The following CDH2 variants were observed in gnomAD, a reference collection of about 807,000 sequenced individuals.
CDH2 encodes the protein cadherin 2, also known as cadherin-2.
A neutral mutation model predicts 92.0 loss-of-function variants in CDH2; 17 were observed. That is an observed-to-expected ratio of 0.18 (90% confidence interval 0.13 to 0.28). CDH2 has a LOEUF of 0.28. Ranked by LOEUF, CDH2 falls within the 10% of genes least tolerant of loss-of-function variation. The pLI is 1.00. For missense variants in CDH2, 862 were observed against 1,133.1 expected, an observed-to-expected ratio of 0.76 and a Z score of 3.44; for synonymous variants, 419 against 415.9, an observed-to-expected ratio of 1.01 and a Z score of -0.09.
At chr18:28,153,750 ATGAGT>A (rs1328085847) in intron 1 of CDH2, among the ~76,000 whole-genome samples, 3 of 152,350 alleles carry the variant, frequency 2.0e-5, no homozygotes, top group African/African-American at 7.2e-5. Context: ...AGAGGATTAA[ATGAGT>A]TAATATGTGT....
At chr18:27,976,108 G>C (rs1052260854) in intron 14 of CDH2, among the ~76,000 whole-genome samples, 1 of 152,164 alleles carries the variant, frequency 6.6e-6, no homozygotes, top group African/African-American at 2.4e-5. Context: ...TGAGAGAGCA[G>C]GCAAACAGGG....
chr18:28,039,416 C>T (rs185157519), intron 2 of CDH2, among the ~76,000 whole-genome samples: 2 of 152,044 alleles, frequency 1.3e-5, no homozygotes, highest in Non-Finnish European at 1.5e-5. Context: ...TCACTGATTT[C>T]GCATACAGGA....
At chr18:28,064,407 A>C (rs900247247) in intron 2 of CDH2, among the ~76,000 whole-genome samples, 1 of 152,146 alleles carries the variant, frequency 6.6e-6, no homozygotes, top group Non-Finnish European at 1.5e-5. Context: ...CTAGGACTAC[A>C]GGTGTGTACC....
At chr18:28,027,714 C>T (rs2013592272) in intron 2 of CDH2, among the ~76,000 whole-genome samples, 2 of 152,102 alleles carry the variant, frequency 1.3e-5, no homozygotes, top group African/African-American at 2.4e-5. Flanking sequence ...AGTTTTTAAG[C>T]TGTTCTTCAC....
At chr18:28,092,495 C>T (rs1482272851) in intron 2 of CDH2, among the ~76,000 whole-genome samples, 1 of 151,654 alleles carries the variant, frequency 6.6e-6, no homozygotes, top group Non-Finnish European at 1.5e-5. Context: ...ATCAAAATTC[C>T]TTCTGCTACC....
chr18:28,176,910 G>A (rs1171379667), intron 1 of CDH2, 53 bp downstream of exon 1: 15 of 1,100,228 alleles, frequency 1.4e-5, no homozygotes, highest in South Asian at 3.7e-5. Context: ...AAGGGACCCG[G>A]CGCCGCCCGC....
chr18:28,137,142 G>A lies in CDH2; in HGVS notation c.172+10531C>T, dbSNP rs549625458. Reference sequence around the variant, plus strand: ...AAATCTGATGAGTCCATATGTTGAAGGGCTACTTCCTCACACTAATGAAAA... The same window carrying A: ...AAATCTGATGAGTCCATATGTTGAAAGGCTACTTCCTCACACTAATGAAAA... On this transcript the variant is annotated intron_variant, in intron 2 of 15. Transcript: ENST00000269141. 2.0e-3 allele frequency among the ~76,000 whole-genome samples: 298 copies of A among 152,222 alleles called. 5 individuals carry two copies. Among genetic ancestry groups the A allele is most frequent in the African/African-American group, 6.9e-3 (288 of 41,556 alleles).
intron 1 of CDH2, 113 bp downstream of exon 1, chr18:28,176,850 C>T (rs1265130179): frequency 4.6e-6 from 2 of 431,788 alleles, no homozygotes; most frequent in Non-Finnish European, 6.2e-6. Context: ...CGCGGCGTGG[C>T]ACCTCCCTTC....
chr18:28,066,409 G>T (rs1165892147), intron 2 of CDH2, among the ~76,000 whole-genome samples: 1 of 152,030 alleles, frequency 6.6e-6, no homozygotes, highest in Non-Finnish European at 1.5e-5. Flanking sequence ...ACAAGAGTTC[G>T]AACAAAGGCT....
rs1259389629 is a variant in CDH2 at position 27,985,097 on chromosome 18, G to A, written c.2112C>T (p.Asp704=). The A allele has an allele frequency of 1.9e-6, 3 of 1,614,022 alleles. No homozygotes were observed. In the Admixed American group the frequency reaches 5.0e-5, roughly 27 times the overall value. Residue 704 remains aspartate, a synonymous_variant, in exon 13 of 16, where the codon GAC becomes GAT. Transcript: ENST00000269141. ...SILRVKVCQC[D]SNGDCTDVDR... Reference sequence around the variant, plus strand: ...CCACATCTGTGCAGTCCCCGTTGGAGTCACACTGGCAAACCTTCACACGCA... The same window carrying A: ...CCACATCTGTGCAGTCCCCGTTGGAATCACACTGGCAAACCTTCACACGCA...
intron 2 of CDH2, among the ~76,000 whole-genome samples, chr18:28,033,087 A>C (rs1237354973): frequency 6.6e-6 from 1 of 152,116 alleles, no homozygotes; most frequent in Non-Finnish European, 1.5e-5. Flanking sequence ...TGAGCACCAA[A>C]GAATAAACAT....
chr18:28,150,885 A>G (rs1390262533), intron 1 of CDH2, among the ~76,000 whole-genome samples: 1 of 152,222 alleles, frequency 6.6e-6, no homozygotes, highest in Non-Finnish European at 1.5e-5. Flanking sequence ...TAAAATTGTT[A>G]AAATATATAT....
rs1568020517 is a variant in CDH2 at position 28,156,554 on chromosome 18, C to CATGTCACCTTCCCAGGTACAGA, written c.61-8792_61-8771dup. 5.8e-3 allele frequency among the ~76,000 whole-genome samples: 716 copies of CATGTCACCTTCCCAGGTACAGA among 124,066 alleles called. 31 individuals carry two copies. The highest frequency in any genetic ancestry group is 7.3e-3 in the Non-Finnish European group (431 of 59,204). 81.4% of individuals were successfully genotyped at this position (124,066 alleles called of 152,430 possible). A position where few individuals can be genotyped will look rare whatever the true frequency, so the allele number is the denominator to read the frequency against. The stretch of plus-strand genomic sequence containing the variant: ...CAGCATGTCACCTTCCCAGGTACAG[C>CATGTCACCTTCCCAGGTACAGA]ATGTCACCTTCCCAGGTACAGAATG... On this transcript the variant is annotated intron_variant, in intron 1 of 15. Coordinates refer to ENST00000269141, the MANE Select transcript of CDH2 (RefSeq NM_001792.5).
At chr18:28,045,050 G>C (rs1052884812) in intron 2 of CDH2, among the ~76,000 whole-genome samples, 1 of 151,986 alleles carries the variant, frequency 6.6e-6, no homozygotes, top group Non-Finnish European at 1.5e-5. Context: ...AATTCAAAAA[G>C]AAAAATTAAC....
chr18:28,007,193 T>TATATATATATATATATATATATAC (rs778626652), intron 5 of CDH2, among the ~76,000 whole-genome samples: 11 of 142,166 alleles, frequency 7.7e-5, no homozygotes, highest in African/African-American at 2.4e-4. Flanking sequence ...TATATATATA[T>TATATATATATATATATATATATAC]ACGAGTATAT....
chr18:28,122,975 T>C (rs1477966393), intron 2 of CDH2, among the ~76,000 whole-genome samples: 1 of 152,104 alleles, frequency 6.6e-6, no homozygotes, highest in Non-Finnish European at 1.5e-5. Flanking sequence ...TTTTAGATCA[T>C]GATGAAAGTT....
chr18:28,171,293 C>T (rs2016461073), intron 1 of CDH2, among the ~76,000 whole-genome samples: 1 of 151,702 alleles, frequency 6.6e-6, no homozygotes, highest in South Asian at 2.1e-4. Flanking sequence ...TAATGCTGAC[C>T]CACTTATATT....
chr18:27,935,016 C>T (rs1908984650), intron 6 of CDH2, among the ~76,000 whole-genome samples: 1 of 152,170 alleles, frequency 6.6e-6, no homozygotes, highest in Admixed American at 6.5e-5. Flanking sequence ...CTTTACTTGA[C>T]CATTCCCAGA....
intron 2 of CDH2, among the ~76,000 whole-genome samples, chr18:28,084,381 A>C (rs1303585462): frequency 1.3e-5 from 2 of 152,166 alleles, no homozygotes; most frequent in Non-Finnish European, 1.5e-5. Context: ...ATAGTACAAA[A>C]TAACAAAAAT....
Sources: gnomAD v4.1 joint callset for allele counts (sites outside exome capture counted in the v4.1 genomes callset) on GRCh38, gnomAD v4.1.1 for gene constraint, MANE v1.5 for transcripts, NCBI Gene and HGNC (gene_info 2026-07-23, HGNC 2026-07-21) for gene names.